Variants in CEP68 observed in about 807,000 individuals in gnomAD.
The protein encoded by CEP68 is centrosomal protein 68, also known as centrosomal protein of 68 kDa.
In CEP68, 26 loss-of-function variants were observed where a neutral mutation model predicts 55.3. The observed-to-expected ratio is 0.47, with a 90% CI of 0.34 to 0.65. The LOEUF is 0.65. Among genes scored for constraint, CEP68 ranks in the 30% least tolerant of loss-of-function variants. CEP68 has a pLI of 0.01. For missense variants in CEP68, 957 were observed against 946.7 expected (o/e 1.01, Z -0.14); for synonymous variants, 402 against 383.2 (o/e 1.05, Z -0.57).
Position 65,072,881 on chromosome 2 carries a change from T to C in CEP68, c.1785T>C (p.Ala595=), listed in dbSNP as rs748905591. The part of the protein sequence containing the change: ...GLLKTRPSLP[A]RLDRWPFSDP... ...TGAAAACACGCCCCTCCTTGCCAGC[T>C]AGGTTGGACCGGTGGCCATTCTCAG... Residue 595 remains alanine, a synonymous_variant, in exon 3 of 7, where the codon GCT becomes GCC. Transcript: ENST00000377990. The C allele has an allele frequency of 1.2e-5, 19 of 1,613,998 alleles. No individual in the cohort carries two copies. The Middle Eastern group carries it at 6.6e-4, about 56-fold the overall frequency.
Position 65,077,871 on chromosome 2 carries a change from T to A in CEP68, c.2011T>A (p.Phe671Ile). Reference protein sequence around the residue: ...LKSSLQLYRQFKKDIDEHQSL... With the variant: ...LKSSLQLYRQIKKDIDEHQSL... ...TCTTTTTCTGATACGCCTTAAGCAA[T>A]TTAAGAAAGATATAGATGAACATCA... is the stretch of plus-strand genomic sequence containing the variant. The change falls in exon 5 of 7, where the codon TTT (phenylalanine) becomes ATT (isoleucine). Residue 671 changes from phenylalanine to isoleucine, a missense_variant. Physicochemically the swap from Phe to Ile is conservative, Grantham distance 21. Transcript: ENST00000377990. 1 of 1,610,448 alleles carries A rather than the reference T, an allele frequency of 6.2e-7. No individual in the cohort carries two copies. The highest frequency in any genetic ancestry group is 8.5e-7 in the Non-Finnish European group (1 of 1,178,178).
At position 65,072,460 on chromosome 2, in the gene CEP68, G is replaced by A. The variant is rs764044528; in HGVS notation, c.1364G>A (p.Arg455Lys). The A allele has an allele frequency of 5.0e-6, 8 of 1,613,958 alleles. No homozygotes were observed. Among genetic ancestry groups the A allele is most frequent in the Non-Finnish European group, 6.8e-6 (8 of 1,180,024 alleles). Reference protein sequence around the residue: ...WPSPRPEREKRTSQSARRPTC... With the variant: ...WPSPRPEREKKTSQSARRPTC... ...TCGCCCAGGCCAGAGAGGGAGAAGA[G>A]GACCAGCCAGAGTGCCCGGCGCCCT... Residue 455 changes from arginine to lysine, a missense_variant, in exon 3 of 7, where the codon AGG (arginine) becomes AAG (lysine). Physicochemically the swap from Arg to Lys is conservative, Grantham distance 26. Transcript: ENST00000377990.
At position 65,076,185 on chromosome 2, in the gene CEP68, C is replaced by T. The variant is rs537996530; in HGVS notation, c.2008-1683C>T. Among the ~76,000 whole-genome samples the T allele has an allele frequency of 2.4e-4, 36 of 152,250 alleles. No individual in the cohort carries two copies. The South Asian group carries it at 7.0e-3, about 30-fold the overall frequency. ...CCAAGGGTCCTGTATGCAGACTCCA[C>T]GTGCATGCACGCAGCTGTGCAGGGC... On this transcript the variant is annotated intron_variant, in intron 4 of 6. Coordinates refer to ENST00000377990, the MANE Select transcript of CEP68 (RefSeq NM_015147.3).
At chr2:65,081,978 G>T (rs1207799120) in intron 5 of CEP68, among the ~76,000 whole-genome samples, 1 of 152,214 alleles carries the variant, frequency 6.6e-6, no homozygotes, top group Admixed American at 6.5e-5. Flanking sequence ...GGGATTACAG[G>T]CGTGAGCCAC....
chr2:65,071,646 G>T lies in CEP68; in HGVS notation c.550G>T (p.Val184Leu). Residue 184 changes from valine (V) to leucine (L), a missense_variant, in exon 3 of 7, where the codon GTG becomes TTG. Transcript: ENST00000377990. ...CTCTTGCCTGTCACAGTGGAAGTCC[G>T]TGCTGAGCCCAGGTTCCGCAGCTCA... ...GLSCLSQWKS[V>L]LSPGSAAQPS... 1 of 1,614,138 alleles carries T rather than the reference G, an allele frequency of 6.2e-7. No homozygotes were observed. Among genetic ancestry groups the T allele is most frequent in the Non-Finnish European group, 8.5e-7 (1 of 1,180,024 alleles).
In CEP68 at chr2:65,071,479, C is replaced by A; in HGVS notation, c.383C>A (p.Ser128Tyr). 4 of 1,614,026 alleles carry A rather than the reference C, an allele frequency of 2.5e-6. No individual in the cohort carries two copies. Among genetic ancestry groups the A allele is most frequent in the Non-Finnish European group, 3.4e-6 (4 of 1,179,894 alleles). The change falls in exon 3 of 7, where the codon TCC becomes TAC. Residue 128 changes from serine to tyrosine, a missense_variant. Ser to Tyr is a moderately radical substitution (Grantham distance 144). Coordinates refer to ENST00000377990, the MANE Select transcript of CEP68 (RefSeq NM_015147.3). ...SQVEKTKLSS[S>Y]EEFPQTLSLP... ...GTGGAGAAGACCAAGCTTTCTTCCT[C>A]CGAGGAGTTCCCTCAGACTCTGAGC... is the stretch of plus-strand genomic sequence containing the variant.
Position 65,072,043 on chromosome 2 carries a change from C to G in CEP68, c.947C>G (p.Pro316Arg), listed in dbSNP as rs1261342441. The change falls in exon 3 of 7, where the codon CCA becomes CGA. Residue 316 changes from proline to arginine, a missense_variant. Transcript: ENST00000377990. ...TYPLRPGPQL[P>R]KHLDSRVPAD... is the part of the protein sequence containing the mutation. Reference sequence around the variant, plus strand: ...CCACTGAGGCCCGGGCCTCAGCTCCCAAAGCACCTTGATAGCCGTGTGCCA... The same window carrying G: ...CCACTGAGGCCCGGGCCTCAGCTCCGAAAGCACCTTGATAGCCGTGTGCCA... 3 of 1,613,710 alleles carry G rather than the reference C, an allele frequency of 1.9e-6. No homozygotes were observed. The highest frequency in any genetic ancestry group is 3.3e-4 in the Middle Eastern group (2 of 6,084).
chr2:65,083,160 C>T (rs904424936), intron 6 of CEP68, among the ~76,000 whole-genome samples: 1 of 152,140 alleles, frequency 6.6e-6, no homozygotes, highest in Non-Finnish European at 1.5e-5. Flanking sequence ...TTAGAGAAAC[C>T]CAGAGTTACT....
At chr2:65,059,813 C>A (rs548244227) in intron 1 of CEP68, among the ~76,000 whole-genome samples, 32 of 152,306 alleles carry the variant, frequency 2.1e-4, no homozygotes, top group African/African-American at 7.0e-4. Context: ...ACCTGAGAAT[C>A]TGCATTCCCA....
chr2:65,083,004 C>T (rs1338890072), intron 6 of CEP68, among the ~76,000 whole-genome samples: 1 of 152,224 alleles, frequency 6.6e-6, no homozygotes, highest in Non-Finnish European at 1.5e-5. Flanking sequence ...ACAAGAGCAG[C>T]ACAACTTATC....
At chr2:65,060,197 C>T (rs1675840817) in intron 1 of CEP68, among the ~76,000 whole-genome samples, 1 of 151,788 alleles carries the variant, frequency 6.6e-6, no homozygotes. Flanking sequence ...GTATTTGGCC[C>T]TGAGCTTTGT....
At chr2:65,060,058 TA>T (rs1675835567) in intron 1 of CEP68, among the ~76,000 whole-genome samples, 1 of 152,074 alleles carries the variant, frequency 6.6e-6, no homozygotes, top group African/African-American at 2.4e-5. Flanking sequence ...TACTTTGATG[TA>T]ATAAGATTTT....
intron 5 of CEP68, among the ~76,000 whole-genome samples, chr2:65,082,135 G>A (rs1309511443): frequency 1.3e-5 from 2 of 152,180 alleles, no homozygotes; most frequent in Admixed American, 6.5e-5. Context: ...CTGGTAGCAG[G>A]GGTAAGCATC....
rs1239177541 is a variant in CEP68, at chr2:65,072,512, A to G, written c.1416A>G (p.Ser472=). 3 of 1,614,118 alleles carry G rather than the reference A, an allele frequency of 1.9e-6. No individual in the cohort carries two copies. The highest frequency in any genetic ancestry group is 1.1e-5 in the South Asian group (1 of 91,074). The stretch of plus-strand genomic sequence containing the variant: ...CCTGCACAGAGTCTAGGTGGAAATC[A>G]GAAGAGGAAGTGGAAAGTGATGACG... ...RPTCTESRWK[S]EEEVESDDEY... is the part of the protein sequence containing the mutation. Residue 472 remains serine, a synonymous_variant, in exon 3 of 7, where the codon TCA becomes TCG. Transcript: ENST00000377990.
rs986116309 is a variant in CEP68 at position 65,084,569 on chromosome 2, T to G, written c.*935T>G. 2.0e-5 allele frequency: 3 copies of G among 152,056 alleles called. No individual in the cohort carries two copies. The highest frequency in any genetic ancestry group is 2.0e-4 in the Admixed American group (3 of 15,260). The allele number at this position is 152,056 out of a possible 1,614,324, so 9.4% of individuals were successfully genotyped here. On this transcript the variant is annotated 3_prime_UTR_variant, in exon 7 of 7. Coordinates refer to ENST00000377990, the MANE Select transcript of CEP68 (RefSeq NM_015147.3). ...TCAACCATTCAAAGCATCAATTCTATAGCTTTTTGCAGCAAGATGATCAGT... is the reference window on the plus strand; with the variant it reads ...TCAACCATTCAAAGCATCAATTCTAGAGCTTTTTGCAGCAAGATGATCAGT...
At position 65,082,544 on chromosome 2, in the gene CEP68, G is replaced by T; in HGVS notation, c.2113G>T (p.Asp705Tyr). ...CLLENTPVLE[D>Y]VLGRIAKQSG... ...TTGAACCTCATTGTTAGTTTTAGAG[G>T]ATGTCCTTGGGAGGATCGCAAAGCA... Residue 705 changes from aspartate to tyrosine, a missense_variant, in exon 6 of 7, where the codon GAT (aspartate) becomes TAT (tyrosine). Coordinates refer to ENST00000377990, the MANE Select transcript of CEP68 (RefSeq NM_015147.3). 1 of 1,551,696 alleles carries T rather than the reference G, an allele frequency of 6.4e-7. No homozygotes were observed. The highest frequency in any genetic ancestry group is 2.4e-5 in the East Asian group (1 of 42,428).
chr2:65,060,694 C>G (rs185171474), intron 1 of CEP68, among the ~76,000 whole-genome samples: 2 of 152,344 alleles, frequency 1.3e-5, no homozygotes, highest in African/African-American at 2.4e-5. Context: ...AGGTGTTTTT[C>G]TGCTTTGCTC....
chr2:65,066,775 C>T (rs868395035), intron 1 of CEP68, among the ~76,000 whole-genome samples: 1 of 109,550 alleles, frequency 9.1e-6, no homozygotes, highest in African/African-American at 3.6e-5. Flanking sequence ...TATACACACA[C>T]AAAAAAAAAT....
chr2:65,067,193 CAT>C (rs1211219784), intron 1 of CEP68, among the ~76,000 whole-genome samples: 1 of 151,606 alleles, frequency 6.6e-6, no homozygotes, highest in Non-Finnish European at 1.5e-5. Context: ...GCCTGGCTAA[CAT>C]GGTGAAACCC....
Sources: gnomAD v4.1 joint callset for allele counts (sites outside exome capture counted in the v4.1 genomes callset) on GRCh38, gnomAD v4.1.1 for gene constraint, MANE v1.5 for transcripts, NCBI Gene and HGNC (gene_info 2026-07-23, HGNC 2026-07-21) for gene names.